SPICE1: variants seen among roughly 807,000 people sequenced by gnomAD.
The protein encoded by SPICE1 is spindle and centriole-associated protein 1.
In SPICE1, 75 loss-of-function variants were observed where a neutral mutation model predicts 102.7. The observed-to-expected ratio is 0.73, with a 90% CI of 0.61 to 0.88. The LOEUF is 0.88. SPICE1 is among the 40% of genes least tolerant of loss of function. The probability of loss-of-function intolerance (pLI) is 0.00; values close to 1 mark genes in which losing one functional copy is unlikely to be tolerated. For missense variants in SPICE1, 979 were observed against 1,020.1 expected (o/e 0.96, Z 0.55); for synonymous variants, 308 against 350.3 (o/e 0.88, Z 1.35).
At position 113,442,874 on chromosome 3, in the gene SPICE1, C is replaced by T. The variant is rs1169168739; in HGVS notation, c.*2433G>A. 6.6e-6 allele frequency: 1 copy of T among 151,792 alleles called. No individual in the cohort carries two copies. The allele number at this position is 151,792 out of a possible 1,614,324, so 9.4% of individuals were successfully genotyped here. On this transcript the variant is annotated 3_prime_UTR_variant, in exon 18 of 18. Coordinates refer to ENST00000295872, the MANE Select transcript of SPICE1 (RefSeq NM_144718.4). ...ACTTATTAAATGGTATATCTAGGTGCCAGAAAAGATAGAAAACATAGGGTA... is the reference window on the plus strand; with the variant it reads ...ACTTATTAAATGGTATATCTAGGTGTCAGAAAAGATAGAAAACATAGGGTA...
chr3:113,514,975 A>C lies in SPICE1; in HGVS notation c.-79T>G. The stretch of plus-strand genomic sequence containing the variant: ...CAACCGGGCGCCTGGATCCCAGGCA[A>C]CAGACAGATGCCACCACCGTTCTCC... On this transcript the variant is annotated 5_prime_UTR_variant, in exon 1 of 18. Coordinates refer to ENST00000295872, the MANE Select transcript of SPICE1 (RefSeq NM_144718.4). 8.4e-6 allele frequency: 5 copies of C among 597,262 alleles called. No homozygotes were observed. Among genetic ancestry groups the C allele is most frequent in the African/African-American group, 2.0e-5 (1 of 50,740 alleles). The allele number at this position is 597,262 out of a possible 1,614,324, so 37.0% of individuals were successfully genotyped here.
At chr3:113,469,396 A>G (rs1463160061) in intron 7 of SPICE1, among the ~76,000 whole-genome samples, 158 bp from the exon 8 acceptor site, 1 of 145,252 alleles carries the variant, frequency 6.9e-6, no homozygotes, top group Non-Finnish European at 1.5e-5. Context: ...TTATATATAA[A>G]TATGCATATA....
At chr3:113,485,740 A>G (rs1936632018) in intron 7 of SPICE1, among the ~76,000 whole-genome samples, 1 of 152,218 alleles carries the variant, frequency 6.6e-6, no homozygotes, top group South Asian at 2.1e-4. Context: ...GTTCTTGAAT[A>G]GCAAAATTCA....
intron 12 of SPICE1, chr3:113,460,056 T>C (rs1935890171): frequency 2.0e-6 from 2 of 985,312 alleles, no homozygotes; most frequent in Non-Finnish European, 2.4e-6. Context: ...ATCAAAGTCT[T>C]ACTTAAAAGT....
chr3:113,460,076 GA>G, intron 12 of SPICE1: 1 of 985,300 alleles, frequency 1.0e-6, no homozygotes, highest in Non-Finnish European at 1.2e-6. Flanking sequence ...TAAAACACAT[GA>G]AAAAACCAAA....
At chr3:113,477,832 T>A (rs1936392289) in intron 7 of SPICE1, among the ~76,000 whole-genome samples, 1 of 151,384 alleles carries the variant, frequency 6.6e-6, no homozygotes. Context: ...ATATACCTAA[T>A]GCTAAATGAC....
At chr3:113,479,568 T>C (rs941012093) in intron 7 of SPICE1, among the ~76,000 whole-genome samples, 22 of 152,174 alleles carry the variant, frequency 1.4e-4, no homozygotes, top group African/African-American at 5.1e-4. Flanking sequence ...TCCACAATGG[T>C]TGAACTAGTT....
chr3:113,486,856 TAAG>T (rs983669754), intron 7 of SPICE1, among the ~76,000 whole-genome samples: 63 of 123,880 alleles, frequency 5.1e-4, no homozygotes, highest in African/African-American at 2.1e-3. Flanking sequence ...TAAGAGAAAA[TAAG>T]GAGATATATA....
intron 7 of SPICE1, among the ~76,000 whole-genome samples, chr3:113,483,635 C>G (rs1936573340): frequency 6.6e-6 from 1 of 152,066 alleles, no homozygotes; most frequent in South Asian, 2.1e-4. Flanking sequence ...TTAGGTTAAT[C>G]ATGTGATTTT....
chr3:113,456,822 T>G (rs1576623647), intron 13 of SPICE1, among the ~76,000 whole-genome samples: 1 of 152,324 alleles, frequency 6.6e-6, no homozygotes, highest in Middle Eastern at 3.4e-3. Flanking sequence ...TCTAACTCTT[T>G]GAAATGCTCC....
At chr3:113,497,901 CTGT>C (rs1936931510) in intron 4 of SPICE1, among the ~76,000 whole-genome samples, 1 of 145,338 alleles carries the variant, frequency 6.9e-6, no homozygotes, top group Non-Finnish European at 1.5e-5. Context: ...TTTGGTTTTG[CTGT>C]TGTTGTTTTT....
At chr3:113,476,286 G>A (rs971770611) in intron 7 of SPICE1, among the ~76,000 whole-genome samples, 2 of 151,046 alleles carry the variant, frequency 1.3e-5, no homozygotes, top group African/African-American at 4.9e-5. Context: ...AATAAAAGAG[G>A]ATACAAACAA....
chr3:113,504,571 C>CAAAA (rs71633321), intron 2 of SPICE1, among the ~76,000 whole-genome samples: 81 of 67,824 alleles, frequency 1.2e-3, no homozygotes, highest in African/African-American at 3.6e-3. Context: ...GACCTTGTCT[C>CAAAA]AAAAAAAAAA....
chr3:113,460,435 A>G (rs1305382101), intron 12 of SPICE1, 182 bp downstream of exon 12: 3 of 979,334 alleles, frequency 3.1e-6, no homozygotes, highest in Non-Finnish European at 3.6e-6. Context: ...CTTAACAAGT[A>G]TCTGGCATAG....
At chr3:113,506,080 T>C (rs992176953) in intron 2 of SPICE1, among the ~76,000 whole-genome samples, 1 of 152,160 alleles carries the variant, frequency 6.6e-6, no homozygotes, top group Non-Finnish European at 1.5e-5. Context: ...AAAGGTCACC[T>C]ATTTTTTTCA....
chr3:113,513,396 G>T (rs1470145990), intron 1 of SPICE1, among the ~76,000 whole-genome samples: 1 of 152,152 alleles, frequency 6.6e-6, no homozygotes, highest in African/African-American at 2.4e-5. Flanking sequence ...AGGTGACAAA[G>T]TGAGGCTCTG....
At chr3:113,460,070 A>G in intron 12 of SPICE1, 1 of 985,442 alleles carries the variant, frequency 1.0e-6, no homozygotes, top group South Asian at 4.7e-5. Context: ...TAAAAGTAAA[A>G]CACATGAAAA....
chr3:113,460,661 G>C lies in SPICE1; in HGVS notation c.1391C>G (p.Ala464Gly). The C allele has an allele frequency of 6.2e-7, 1 of 1,613,832 alleles. No homozygotes were observed. Among genetic ancestry groups the C allele is most frequent in the Non-Finnish European group, 8.5e-7 (1 of 1,179,886 alleles). The change falls in exon 12 of 18, where the codon GCA becomes GGA. Residue 464 changes from alanine to glycine, a missense_variant. Coordinates refer to ENST00000295872, the MANE Select transcript of SPICE1 (RefSeq NM_144718.4). The part of the protein sequence containing the change: ...PVINNRQEIQ[A>G]SESGATGRRV... ...TCTACCTGTGGCTCCGCTTTCTGATGCCTGAATTTCTTGTCTGTTATTTAT... is the reference window on the plus strand; with the variant it reads ...TCTACCTGTGGCTCCGCTTTCTGATCCCTGAATTTCTTGTCTGTTATTTAT...
intron 4 of SPICE1, among the ~76,000 whole-genome samples, chr3:113,496,249 T>G (rs995162231): frequency 1.3e-5 from 2 of 152,140 alleles, no homozygotes; most frequent in African/African-American, 4.8e-5. Context: ...TGGCTTTTAC[T>G]TCTTCTTTCT....
Sources: allele counts gnomAD v4.1 joint callset (sites outside exome capture counted in the v4.1 genomes callset), GRCh38; gene constraint gnomAD v4.1.1; transcripts MANE v1.5; gene names NCBI Gene and HGNC (gene_info 2026-07-23, HGNC 2026-07-21).